RNASEH1: variants seen among roughly 807,000 people sequenced by gnomAD.
RNASEH1 encodes the protein ribonuclease H type II.
Under a neutral mutation model 34.6 loss-of-function variants are expected in RNASEH1, and 27 were observed. The observed-to-expected ratio is 0.78, with a 90% confidence interval of 0.58 to 1.08. The LOEUF (loss-of-function observed/expected upper bound fraction) is 1.08. Among genes scored for constraint, RNASEH1 ranks in the 50% least tolerant of loss-of-function variants. RNASEH1 has a pLI of 0.00. For synonymous variants in RNASEH1, 162 were observed against 138.4 expected, an observed-to-expected ratio of 1.17 and a Z score of -1.20; for missense variants, 349 against 373.6, an observed-to-expected ratio of 0.93 and a Z score of 0.54.
intron 3 of RNASEH1, 151 bp from the exon 4 acceptor site, chr2:3,550,623 C>G: frequency 3.1e-6 from 2 of 649,302 alleles, no homozygotes; most frequent in South Asian, 3.5e-5. Context: ...ATGCTCCATT[C>G]CTTACAAGGG....
chr2:3,550,142 TAAAAA>T (rs1162099553), intron 4 of RNASEH1: 885 of 240,150 alleles, frequency 3.7e-3, no homozygotes, highest in East Asian at 6.0e-3. Flanking sequence ...GACCGTGTCT[TAAAAA>T]AAAAAAAAAA....
chr2:3,552,855 G>A (rs1264975713), intron 2 of RNASEH1, among the ~76,000 whole-genome samples: 2 of 152,032 alleles, frequency 1.3e-5, no homozygotes, highest in Non-Finnish European at 2.9e-5. Flanking sequence ...TCTAAAAAAA[G>A]ATGAGTTGTG....
intron 1 of RNASEH1, chr2:3,557,881 AG>A: frequency 6.7e-7 from 1 of 1,490,830 alleles, no homozygotes; most frequent in Non-Finnish European, 9.0e-7. Flanking sequence ...AGGGTTTATT[AG>A]GCCACCCCTA....
Position 3,542,023 on chromosome 2 carries a change from T to C in RNASEH1, c.*3762A>G, listed in dbSNP as rs1487418797. Among the ~76,000 whole-genome samples the C allele has an allele frequency of 6.6e-6, 1 of 151,956 alleles. No individual in the cohort carries two copies. The highest frequency in any genetic ancestry group is 2.4e-5 in the African/African-American group (1 of 41,354). Reference sequence around the variant, plus strand: ...ACAAAACAAAACAAAAGTGGTACAATAACAACTTTTAAAACTCAAAAAGAA... The same window carrying C: ...ACAAAACAAAACAAAAGTGGTACAACAACAACTTTTAAAACTCAAAAAGAA... On this transcript the variant is annotated 3_prime_UTR_variant, in exon 8 of 8. Coordinates refer to ENST00000315212, the MANE Select transcript of RNASEH1 (RefSeq NM_002936.6).
Position 3,549,061 on chromosome 2 carries a change from A to G in RNASEH1, c.561T>C (p.Ile187=). 6.2e-7 allele frequency: 1 copy of G among 1,612,826 alleles called. No individual in the cohort carries two copies. Among genetic ancestry groups the G allele is most frequent in the South Asian group, 1.1e-5 (1 of 91,032 alleles). Residue 187 remains isoleucine (I), a synonymous_variant, in exon 5 of 8, where the codon ATT becomes ATC. Coordinates refer to ENST00000315212, the MANE Select transcript of RNASEH1 (RefSeq NM_002936.6). ...PGRQTNQRAE[I]HAACKAIEQA... is the part of the protein sequence containing the mutation. ...TTAAACGTATCTGATAACTTACATG[A>G]ATTTCCGCTCTTTGGTTTGTCTGCC...
At chr2:3,551,301 T>C (rs1373350041) in intron 3 of RNASEH1, among the ~76,000 whole-genome samples, 1 of 152,116 alleles carries the variant, frequency 6.6e-6, no homozygotes, top group African/African-American at 2.4e-5. Flanking sequence ...CTTAACTGTA[T>C]CAGCATGACT....
Position 3,550,465 on chromosome 2 carries a change from G to T in RNASEH1, c.417C>A (p.Phe139Leu). Residue 139 changes from phenylalanine (F) to leucine (L), a missense_variant, in exon 4 of 8, where the codon TTC becomes TTA. Around this residue, in one of 2 missense-constraint regions of RNASEH1, gnomAD observed 256 missense variants for 240.7 expected, o/e 1.06. Coordinates refer to ENST00000315212, the MANE Select transcript of RNASEH1 (RefSeq NM_002936.6). ...AGCAGCCATCAGTGTAGACGACGACGAAGTCTCCTGTGGGAAAAGGAAGTA... is the reference window on the plus strand; with the variant it reads ...AGCAGCCATCAGTGTAGACGACGACTAAGTCTCCTGTGGGAAAAGGAAGTA... Reference protein sequence around the residue: ...SRDTFSYMGDFVVVYTDGCCS... With the variant: ...SRDTFSYMGDLVVVYTDGCCS... 6.2e-7 allele frequency: 1 copy of T among 1,613,740 alleles called. No individual in the cohort carries two copies. The highest frequency in any genetic ancestry group is 8.5e-7 in the Non-Finnish European group (1 of 1,179,644).
At chr2:3,535,005 C>A in the RNASEH1 span, among the ~76,000 whole-genome samples, 1 of 152,172 alleles carries the variant, frequency 6.6e-6, no homozygotes, top group African/African-American at 2.4e-5. Flanking sequence ...GCTGGGGAGT[C>A]CGTGTCCAAC....
At position 3,542,234 on chromosome 2, in the gene RNASEH1, C is replaced by T. The variant is rs1668364772; in HGVS notation, c.*3551G>A. ...AGATATGAAGTACACATAGAAAGAG[C>T]ACACCATACGCTTGCAAATATGGAC... On this transcript the variant is annotated 3_prime_UTR_variant, in exon 8 of 8. Coordinates refer to ENST00000315212, the MANE Select transcript of RNASEH1 (RefSeq NM_002936.6). 6.6e-6 allele frequency among the ~76,000 whole-genome samples: 1 copy of T among 152,114 alleles called. No individual in the cohort carries two copies. The highest frequency in any genetic ancestry group is 1.5e-5 in the Non-Finnish European group (1 of 68,016).
At chr2:3,548,077 G>A in intron 6 of RNASEH1, 22 bp from the exon 7 acceptor site, 1 of 1,613,496 alleles carries the variant, frequency 6.2e-7, no homozygotes, top group Non-Finnish European at 8.5e-7. Context: ...CACGATCACT[G>A]GTGAGTCAAT....
chr2:3,556,542 G>A (rs918484703), intron 2 of RNASEH1, among the ~76,000 whole-genome samples: 8 of 152,084 alleles, frequency 5.3e-5, no homozygotes, highest in African/African-American at 1.9e-4. Context: ...TTTAAAAAAA[G>A]ACAAGGAATT....
At chr2:3,538,991 G>A (rs762573153), downstream of RNASEH1, among the ~76,000 whole-genome samples, 4 of 152,124 alleles carry the variant, frequency 2.6e-5, no homozygotes, top group Non-Finnish European at 4.4e-5. Context: ...AAAGGGCCAT[G>A]AGTATTTCTT....
downstream of RNASEH1, among the ~76,000 whole-genome samples, chr2:3,538,646 G>A (rs1027593184): frequency 3.3e-5 from 5 of 152,046 alleles, no homozygotes; most frequent in Admixed American, 6.6e-5. Flanking sequence ...TTTATTCCAC[G>A]GCCGCTTCAG....
At chr2:3,537,647 G>A (rs1298308978), downstream of RNASEH1, among the ~76,000 whole-genome samples, 1 of 152,090 alleles carries the variant, frequency 6.6e-6, no homozygotes, top group Non-Finnish European at 1.5e-5. Context: ...CTTGAGCTCA[G>A]GAGGTGGAGG....
chr2:3,549,684 A>C (rs1456452716), intron 4 of RNASEH1, among the ~76,000 whole-genome samples: 1 of 152,020 alleles, frequency 6.6e-6, no homozygotes, highest in East Asian at 1.9e-4. Flanking sequence ...CTTCATCTCT[A>C]CTGAAAAAAG....
intron 1 of RNASEH1, chr2:3,557,581 C>G (rs1214892804): frequency 6.1e-6 from 2 of 329,644 alleles, no homozygotes; most frequent in Non-Finnish European, 1.2e-5. Flanking sequence ...ACAGTCAGAA[C>G]AGCTGGGCTC....
Position 3,541,502 on chromosome 2 carries a change from G to T in RNASEH1, c.*4283C>A, listed in dbSNP as rs1450037223. On this transcript the variant is annotated 3_prime_UTR_variant, in exon 8 of 8. Transcript: ENST00000315212. Reference sequence around the variant, plus strand: ...GAAATAATCGAAATATCGGTCAACAGGTAAATAAATAAACTGTGGTATATC... The same window carrying T: ...GAAATAATCGAAATATCGGTCAACATGTAAATAAATAAACTGTGGTATATC... Among the ~76,000 whole-genome samples, 1 of 152,090 alleles carries T rather than the reference G, an allele frequency of 6.6e-6. No homozygotes were observed. Among genetic ancestry groups the T allele is most frequent in the Non-Finnish European group, 1.5e-5 (1 of 68,026 alleles).
chr2:3,548,900 A>G (rs532985874), intron 5 of RNASEH1, among the ~76,000 whole-genome samples, 158 bp downstream of exon 5: 60 of 152,236 alleles, frequency 3.9e-4, no homozygotes, highest in African/African-American at 1.4e-3. Flanking sequence ...AAGTTTTTAG[A>G]ATTTTTCTAC....
chr2:3,548,158 A>G, intron 6 of RNASEH1, 103 bp from the exon 7 acceptor site: 6 of 1,353,818 alleles, frequency 4.4e-6, no homozygotes, highest in Non-Finnish European at 6.2e-6. Flanking sequence ...ATTCTGAGTC[A>G]CCATCCTTGA....
Sources: allele counts gnomAD v4.1 joint callset (sites outside exome capture counted in the v4.1 genomes callset), GRCh38; gene constraint gnomAD v4.1.1; regional missense constraint gnomAD v4.1.1; transcripts MANE v1.5; gene names NCBI Gene and HGNC (gene_info 2026-07-23, HGNC 2026-07-21).